The following CCNB1 variants were observed in gnomAD, a reference collection of about 807,000 sequenced individuals.
The protein encoded by CCNB1 is G2/mitotic-specific cyclin-B1.
In CCNB1, 26 loss-of-function variants were observed where a neutral mutation model predicts 44.4. That is an observed-to-expected ratio of 0.59 (90% CI 0.43 to 0.81). The LOEUF is 0.81. Among genes scored for constraint, CCNB1 ranks in the 40% least tolerant of loss-of-function variants. The pLI is 0.00. For missense variants in CCNB1, 477 were observed against 520.9 expected, an observed-to-expected ratio of 0.92 and a Z score of 0.82; for synonymous variants, 195 against 181.4, an observed-to-expected ratio of 1.08 and a Z score of -0.60.
rs527677152 is a variant in CCNB1, at chr5:69,173,969, A to G, written c.547-282A>G. ...ATTTTTAGTAAAGACAGGTTTTGCC[A>G]TGTTGGCCAGGCTGGTCTCGAACTC... On this transcript the variant is annotated intron_variant, in intron 4 of 8. Transcript: ENST00000256442. 5.9e-5 allele frequency among the ~76,000 whole-genome samples: 9 copies of G among 152,152 alleles called. 1 individual carries two copies. In the South Asian group the frequency reaches 1.9e-3, roughly 32 times the overall value.
intron 1 of CCNB1, 136 bp downstream of exon 1, chr5:69,167,419 A>C (rs1205766559): frequency 4.3e-6 from 4 of 931,266 alleles, no homozygotes; most frequent in Non-Finnish European, 6.7e-6. Flanking sequence ...GGGACTCACC[A>C]AGAGAGCGCC....
At position 69,174,376 on chromosome 5, in the gene CCNB1, C is replaced by T. The variant is rs766860291; in HGVS notation, c.672C>T (p.Tyr224=). 7 of 1,613,932 alleles carry T rather than the reference C, an allele frequency of 4.3e-6. No individual in the cohort carries two copies. The African/African-American group carries it at 9.3e-5, about 22-fold the overall frequency. The change falls in exon 5 of 9, where the codon TAC becomes TAT. Residue 224 remains tyrosine, a synonymous_variant. Transcript: ENST00000256442. ...TCAGGTTGTTGCAGGAGACCATGTA[C>T]ATGACTGTCTCCATTATTGATCGGT... The part of the protein sequence containing the change: ...MKFRLLQETM[Y]MTVSIIDRFM...
chr5:69,172,399 G>GGT (rs1747483568), intron 4 of CCNB1, among the ~76,000 whole-genome samples: 1 of 152,078 alleles, frequency 6.6e-6, no homozygotes, highest in Non-Finnish European at 1.5e-5. Context: ...TGGGATTACA[G>GGT]GTGCCCACCA....
chr5:69,167,766 C>A, intron 1 of CCNB1, 142 bp from the exon 2 acceptor site: 2 of 696,150 alleles, frequency 2.9e-6, no homozygotes, highest in Non-Finnish European at 4.7e-6. Flanking sequence ...GCAGAGTAGA[C>A]TCTGGGACCC....
chr5:69,171,566 G>A (rs1747460680), intron 4 of CCNB1, 114 bp downstream of exon 4: 8 of 689,088 alleles, frequency 1.2e-5, no homozygotes, highest in Admixed American at 6.5e-5. Context: ...TTAAGAGATC[G>A]CACTTTCAAA....
chr5:69,177,338 AC>A lies in CCNB1; in HGVS notation c.1184del (p.Thr395LysfsTer4). The A allele has an allele frequency of 6.2e-7, 1 of 1,603,158 alleles. No homozygotes were observed. The highest frequency in any genetic ancestry group is 8.5e-7 in the Non-Finnish European group (1 of 1,170,098). The stretch of plus-strand genomic sequence containing the variant: ...TGTAGTCATGGTAAATCAAGGACTT[AC>A]AAAGCACATGGTGAGTCAATATAGT... ...KNVVMVNQGLTKHMTVKNKYA... is the reference protein window; with the variant it reads ...KNVVMVNQGLXKHMTVKNKYA... On this transcript the variant is annotated frameshift_variant, in exon 8 of 9. Coordinates refer to ENST00000256442, the MANE Select transcript of CCNB1 (RefSeq NM_031966.4). LOFTEE classifies it high-confidence loss of function.
chr5:69,177,706 G>T lies in CCNB1; in HGVS notation c.*75G>T. Reference sequence around the variant, plus strand: ...TGTGCCATCTGTACATATTACTGTTGCATTTACTTTTAATAAAGCTTGTGG... The same window carrying T: ...TGTGCCATCTGTACATATTACTGTTTCATTTACTTTTAATAAAGCTTGTGG... On this transcript the variant is annotated 3_prime_UTR_variant, in exon 9 of 9. Coordinates refer to ENST00000256442, the MANE Select transcript of CCNB1 (RefSeq NM_031966.4). The T allele has an allele frequency of 1.2e-6, 1 of 838,210 alleles. No homozygotes were observed. Among genetic ancestry groups the T allele is most frequent in the Non-Finnish European group, 2.0e-6 (1 of 512,540 alleles). The allele number at this position is 838,210 out of a possible 1,614,324, so 51.9% of individuals were successfully genotyped here.
chr5:69,177,245 A>C lies in CCNB1; in HGVS notation c.1090A>C (p.Thr364Pro), dbSNP rs144132512. ...KILDNGEWTP[T>P]LQHYLSYTEE... The stretch of plus-strand genomic sequence containing the variant: ...CATTAACTTGTTGCCTTAGACACCA[A>C]CTCTACAACATTACCTGTCATATAC... Residue 364 changes from threonine to proline, a missense_variant, in exon 8 of 9, where the codon ACT becomes CCT. By Grantham distance (38) the Thr-to-Pro change is conservative. Coordinates refer to ENST00000256442, the MANE Select transcript of CCNB1 (RefSeq NM_031966.4). 1 of 1,586,790 alleles carries C rather than the reference A, an allele frequency of 6.3e-7. No individual in the cohort carries two copies. The highest frequency in any genetic ancestry group is 8.6e-7 in the Non-Finnish European group (1 of 1,157,884).
At chr5:69,173,131 A>C (rs1747501692) in intron 4 of CCNB1, among the ~76,000 whole-genome samples, 1 of 152,114 alleles carries the variant, frequency 6.6e-6, no homozygotes, top group Non-Finnish European at 1.5e-5. Flanking sequence ...ATTTATGCAA[A>C]GCAACCCCTC....
At chr5:69,171,569 C>T in intron 4 of CCNB1, 117 bp downstream of exon 4, 1 of 646,052 alleles carries the variant, frequency 1.5e-6, no homozygotes. Flanking sequence ...AGAGATCGCA[C>T]TTTCAAATTC....
intron 4 of CCNB1, among the ~76,000 whole-genome samples, chr5:69,172,959 G>A (rs1354034505): frequency 6.6e-6 from 1 of 151,754 alleles, no homozygotes; most frequent in African/African-American, 2.4e-5. Flanking sequence ...ATTTTTAGTA[G>A]AGACGGGGTT....
intron 7 of CCNB1, among the ~76,000 whole-genome samples, chr5:69,176,188 G>A (rs933209300): frequency 6.7e-6 from 1 of 150,254 alleles, no homozygotes; most frequent in Non-Finnish European, 1.5e-5. Flanking sequence ...GCAACCAGTC[G>A]AGTGTTTCCA....
chr5:69,171,453 G>GT lies in CCNB1; in HGVS notation c.546+2dup. On this transcript the variant is annotated splice_donor_variant, in intron 4 of 8. Coordinates refer to ENST00000256442, the MANE Select transcript of CCNB1 (RefSeq NM_031966.4). LOFTEE classifies it high-confidence loss of function. ...TTATGCTTATCTGAGACAACTTGAG[G>GT]TAAGTATTATCATTCGTTTTTTTTC... The GT allele has an allele frequency of 1.9e-6, 3 of 1,590,340 alleles. No individual in the cohort carries two copies. The highest frequency in any genetic ancestry group is 2.6e-6 in the Non-Finnish European group (3 of 1,169,448).
chr5:69,167,453 A>G (rs967929912), intron 1 of CCNB1, 170 bp downstream of exon 1: 4 of 644,692 alleles, frequency 6.2e-6, no homozygotes, highest in African/African-American at 5.5e-5. Flanking sequence ...GCCTGGTGAG[A>G]GAGTGTGGGG....
At position 69,168,237 on chromosome 5, in the gene CCNB1, T is replaced by C. The variant is rs1269723657; in HGVS notation, c.257T>C (p.Val86Ala). 6.2e-7 allele frequency: 1 copy of C among 1,614,036 alleles called. No homozygotes were observed. The highest frequency in any genetic ancestry group is 8.5e-7 in the Non-Finnish European group (1 of 1,180,006). ...AAACTACCAAAACCTCTTGAAAAGGTACCTATGCTGGTGCCAGTGCCAGTG... is the reference window on the plus strand; with the variant it reads ...AAACTACCAAAACCTCTTGAAAAGGCACCTATGCTGGTGCCAGTGCCAGTG... ...DKKLPKPLEK[V>A]PMLVPVPVSE... The change falls in exon 3 of 9, where the codon GTA (valine) becomes GCA (alanine). Residue 86 changes from valine (V) to alanine (A), a missense_variant. Physicochemically the swap from Val to Ala is moderately conservative, Grantham distance 64. Coordinates refer to ENST00000256442, the MANE Select transcript of CCNB1 (RefSeq NM_031966.4).
At chr5:69,170,478 A>G (rs1179072262) in intron 3 of CCNB1, among the ~76,000 whole-genome samples, 4 of 152,178 alleles carry the variant, frequency 2.6e-5, no homozygotes, top group African/African-American at 7.2e-5. Flanking sequence ...GAGTAGTGAG[A>G]AGCAGTTTAT....
Position 69,173,777 on chromosome 5 carries a change from T to C in CCNB1, c.547-474T>C, listed in dbSNP as rs186911657. ...TAATGTTTGCCTTTTTTTTCTTTTT[T>C]TTTTGGGGTGGGGAGACAGTCTCAC... On this transcript the variant is annotated intron_variant, in intron 4 of 8. Coordinates refer to ENST00000256442, the MANE Select transcript of CCNB1 (RefSeq NM_031966.4). Among the ~76,000 whole-genome samples the C allele has an allele frequency of 8.2e-4, 125 of 152,236 alleles. 2 individuals carry two copies. In the Middle Eastern group the frequency reaches 0.01, roughly 12 times the overall value.
intron 1 of CCNB1, 32 bp downstream of exon 1, chr5:69,167,315 C>G: frequency 6.2e-7 from 1 of 1,601,984 alleles, no homozygotes; most frequent in East Asian, 2.2e-5. Context: ...ACTAACGCGG[C>G]CTTCTTAGCT....
At chr5:69,167,646 C>T (rs538514024) in intron 1 of CCNB1, among the ~76,000 whole-genome samples, 1 of 152,236 alleles carries the variant, frequency 6.6e-6, no homozygotes, top group South Asian at 2.1e-4. Context: ...GAGGCTTTTT[C>T]GGTTTCCTTT....
Sources: allele counts gnomAD v4.1 joint callset (sites outside exome capture counted in the v4.1 genomes callset), GRCh38; gene constraint gnomAD v4.1.1; transcripts MANE v1.5; gene names NCBI Gene and HGNC (gene_info 2026-07-23, HGNC 2026-07-21).